BNC2: variants seen among roughly 807,000 people sequenced by gnomAD.
The protein encoded by BNC2 is zinc finger protein basonuclin-2.
BNC2 carries 20 observed loss-of-function variants against 76.3 expected under a neutral mutation model. The observed-to-expected ratio is 0.26, with a 90% confidence interval of 0.18 to 0.38. BNC2 has a LOEUF of 0.38. Ranked by LOEUF, BNC2 falls within the 10% of genes least tolerant of loss-of-function variation. The pLI is 1.00. For synonymous variants in BNC2, 582 were observed against 514.8 expected (o/e 1.13, Z -1.77); for missense variants, 1,382 against 1,399.8 (o/e 0.99, Z 0.20).
chr9:16,805,408 C>T (rs544922278), intron 1 of BNC2, among the ~76,000 whole-genome samples: 79 of 152,118 alleles, frequency 5.2e-4, no homozygotes, highest in Admixed American at 7.9e-4. Flanking sequence ...CTCACCGCAA[C>T]CTCCGCCTCC....
At chr9:16,728,113 G>C (rs375750769) in intron 2 of BNC2, 116 bp from the exon 3 acceptor site, 2 of 701,184 alleles carry the variant, frequency 2.9e-6, no homozygotes, top group Non-Finnish European at 5.0e-6. Flanking sequence ...ATTTGGGGGA[G>C]GGAGGGGGTC....
intron 3 of BNC2, chr9:16,664,964 C>CATTAGCACA (rs978722433): frequency 4.4e-5 from 15 of 340,578 alleles, no homozygotes; most frequent in African/African-American, 2.5e-4. Flanking sequence ...TTATAGGCAG[C>CATTAGCACA]ATTAGCACAA....
intron 3 of BNC2, among the ~76,000 whole-genome samples, chr9:16,645,896 A>G (rs10810581): frequency 0.42 from 64,108 of 151,908 alleles, 13,806 homozygotes; most frequent in East Asian, 0.55. Flanking sequence ...CCATTCTGGG[A>G]CTTCTGAGGC....
chr9:16,718,081 C>G (rs1587348549), intron 3 of BNC2, among the ~76,000 whole-genome samples: 1 of 152,206 alleles, frequency 6.6e-6, no homozygotes, highest in East Asian at 1.9e-4. Flanking sequence ...GATGTGCTTC[C>G]TATCAACAGA....
chr9:16,768,349 G>T (rs1825749489), intron 1 of BNC2, among the ~76,000 whole-genome samples: 1 of 152,094 alleles, frequency 6.6e-6, no homozygotes, highest in South Asian at 2.1e-4. Context: ...AGATGCCAAG[G>T]AATCTTTCCT....
intron 5 of BNC2, among the ~76,000 whole-genome samples, chr9:16,525,849 A>G (rs1486314264): frequency 6.6e-6 from 1 of 152,184 alleles, no homozygotes; most frequent in Non-Finnish European, 1.5e-5. Context: ...CTATACCCCA[A>G]TATCACTTAC....
chr9:16,760,053 T>C (rs1231252808), intron 1 of BNC2, among the ~76,000 whole-genome samples: 2 of 152,178 alleles, frequency 1.3e-5, no homozygotes, highest in Non-Finnish European at 2.9e-5. Context: ...GCTAAGTATT[T>C]TCTGAATTTT....
chr9:16,500,894 A>T (rs939375283), intron 5 of BNC2, among the ~76,000 whole-genome samples: 3 of 152,146 alleles, frequency 2.0e-5, no homozygotes, highest in Non-Finnish European at 4.4e-5. Flanking sequence ...CTAGTAACTA[A>T]CCATCAGTAT....
rs527397500 is a variant in BNC2 at position 16,838,464 on chromosome 9, G to A, written c.3+32182C>T. 3.9e-5 allele frequency among the ~76,000 whole-genome samples: 6 copies of A among 152,258 alleles called. 1 individual carries two copies. The highest frequency in any genetic ancestry group is 1.4e-4 in the African/African-American group (6 of 41,540). ...TAATTCCAGCTACTCGGGAGGCTGA[G>A]GCAGGAGAATCGCTTGAACCCCAGA... On this transcript the variant is annotated intron_variant, in intron 1 of 6. Transcript: ENST00000380672.
At chr9:16,447,326 A>G (rs1208930085) in intron 5 of BNC2, among the ~76,000 whole-genome samples, 1 of 152,134 alleles carries the variant, frequency 6.6e-6, no homozygotes, top group Non-Finnish European at 1.5e-5. Flanking sequence ...AATAAAATTA[A>G]TGTTCACATG....
intron 1 of BNC2, among the ~76,000 whole-genome samples, chr9:16,790,817 CTT>C (rs372342400): frequency 4.0e-4 from 52 of 128,822 alleles, no homozygotes; most frequent in Non-Finnish European, 6.7e-4. Context: ...CCTTGGTAAG[CTT>C]TTTTTTTTTT....
intron 3 of BNC2, among the ~76,000 whole-genome samples, chr9:16,605,209 G>C (rs1820350353): frequency 1.3e-5 from 2 of 152,128 alleles, no homozygotes; most frequent in African/African-American, 2.4e-5. Context: ...TTATCCTAAA[G>C]ATTTCATGTT....
chr9:16,422,216 C>T (rs1403132453), intron 6 of BNC2, among the ~76,000 whole-genome samples: 1 of 152,188 alleles, frequency 6.6e-6, no homozygotes, highest in African/African-American at 2.4e-5. Flanking sequence ...TGTACCAGCC[C>T]TCAATATCTG....
At chr9:16,744,296 T>A (rs1199017259) in intron 1 of BNC2, among the ~76,000 whole-genome samples, 2 of 152,090 alleles carry the variant, frequency 1.3e-5, no homozygotes, top group Non-Finnish European at 2.9e-5. Flanking sequence ...GGTTGAAAAA[T>A]ATTTTATGCT....
At chr9:16,579,043 G>C (rs1819560471) in intron 4 of BNC2, among the ~76,000 whole-genome samples, 1 of 152,252 alleles carries the variant, frequency 6.6e-6, no homozygotes, top group East Asian at 1.9e-4. Context: ...TATTATCAGA[G>C]TGAAAGAGCT....
rs550496264 is a variant in BNC2, at chr9:16,482,785, T to A, written c.670-45261A>T. ...CTCTGTATCATCACAAACTTCAGAC[T>A]CCAGGACTCTCTGGACCAGACTGGG... On this transcript the variant is annotated intron_variant, in intron 5 of 6. Transcript: ENST00000380672. Among the ~76,000 whole-genome samples, 3 of 152,284 alleles carry A rather than the reference T, an allele frequency of 2.0e-5. No homozygotes were observed. In the South Asian group the frequency reaches 6.2e-4, roughly 32 times the overall value.
intron 1 of BNC2, among the ~76,000 whole-genome samples, chr9:16,849,352 ATTTTTTT>A (rs35561834): frequency 5.6e-5 from 5 of 90,084 alleles, no homozygotes; most frequent in African/African-American, 9.2e-5. Flanking sequence ...CATGCAAAAG[ATTTTTTT>A]TTTTTTTTTT....
chr9:16,738,778 CT>C (rs954626079), intron 1 of BNC2, among the ~76,000 whole-genome samples: 18 of 152,036 alleles, frequency 1.2e-4, no homozygotes, highest in African/African-American at 4.3e-4. Flanking sequence ...TAATATGACA[CT>C]TTTAACTGCT....
intron 1 of BNC2, among the ~76,000 whole-genome samples, chr9:16,825,154 A>G (rs1232954300): frequency 1.3e-5 from 2 of 152,040 alleles, no homozygotes; most frequent in East Asian, 3.9e-4. Flanking sequence ...ATGAGGAGGT[A>G]TGTCATTTAT....
Sources: gnomAD v4.1 joint callset for allele counts (sites outside exome capture counted in the v4.1 genomes callset) on GRCh38, gnomAD v4.1.1 for gene constraint, MANE v1.5 for transcripts, NCBI Gene and HGNC (gene_info 2026-07-23, HGNC 2026-07-21) for gene names.